The following SRD5A2 variants were observed in gnomAD, a reference collection of about 807,000 sequenced individuals.
SRD5A2 encodes the protein steroid 5 alpha-reductase 2.
In SRD5A2, 30 loss-of-function variants were observed where a neutral mutation model predicts 27.4. That is an observed-to-expected ratio of 1.10 (90% confidence interval 0.82 to 1.49). The LOEUF (loss-of-function observed/expected upper bound fraction) is 1.49, where lower values mean the gene tolerates loss of function less well. Ranked by LOEUF, SRD5A2 falls within the 40% of genes most tolerant of loss-of-function variation. SRD5A2 has a pLI of 0.00. For missense variants in SRD5A2, 348 were observed against 323.4 expected (o/e 1.08, Z -0.58); for synonymous variants, 141 against 133.6 (o/e 1.06, Z -0.38).
Position 31,550,333 on chromosome 2 carries a change from T to A in SRD5A2, c.282-16567A>T, listed in dbSNP as rs550495784. Among the ~76,000 whole-genome samples, 13 of 151,928 alleles carry A rather than the reference T, an allele frequency of 8.6e-5. No homozygotes were observed. In the South Asian group the frequency reaches 2.7e-3, roughly 31 times the overall value. ...TTAAGTAATTAATACCAATTCTATG[T>A]GATTTCTTCCAAAAAATAGAAGAGC... On this transcript the variant is annotated intron_variant, in intron 1 of 4. Coordinates refer to ENST00000622030, the MANE Select transcript of SRD5A2 (RefSeq NM_000348.4).
the SRD5A2 span, among the ~76,000 whole-genome samples, chr2:31,588,535 T>C: frequency 6.6e-6 from 1 of 152,090 alleles, no homozygotes; most frequent in Non-Finnish European, 1.5e-5. Flanking sequence ...GAAAATATTA[T>C]GCAAACATGG....
chr2:31,641,522 T>A, the SRD5A2 span, among the ~76,000 whole-genome samples: 2 of 152,182 alleles, frequency 1.3e-5, no homozygotes, highest in East Asian at 3.8e-4. Flanking sequence ...ATACAAGACA[T>A]AAACTTGTGA....
intron 1 of SRD5A2, among the ~76,000 whole-genome samples, chr2:31,571,468 C>T (rs1666847900): frequency 6.6e-6 from 1 of 151,894 alleles, no homozygotes; most frequent in South Asian, 2.1e-4. Context: ...TGGCAAAGAC[C>T]TCATGACAAA....
rs28383090 is a variant in SRD5A2 at position 31,524,459 on chromosome 2, G to A, written c.*1737C>T. 26 of 195,866 alleles carry A rather than the reference G, an allele frequency of 1.3e-4. No individual in the cohort carries two copies. The highest frequency in any genetic ancestry group is 6.0e-4 in the African/African-American group (26 of 43,226). 12.1% of individuals were successfully genotyped at this position (195,866 alleles called of 1,614,324 possible). On this transcript the variant is annotated 3_prime_UTR_variant, in exon 5 of 5. Coordinates refer to ENST00000622030, the MANE Select transcript of SRD5A2 (RefSeq NM_000348.4). ...TTCATGAAGAGAGAAGAGAAGAAAGGAAACGACACTACAGACAGGGTGAAT... is the reference window on the plus strand; with the variant it reads ...TTCATGAAGAGAGAAGAGAAGAAAGAAAACGACACTACAGACAGGGTGAAT...
chr2:31,656,033 C>T, the SRD5A2 span, among the ~76,000 whole-genome samples: 2 of 152,132 alleles, frequency 1.3e-5, no homozygotes, highest in South Asian at 2.1e-4. Flanking sequence ...ACTGGTAAGT[C>T]GGGGAAGTTA....
the SRD5A2 span, chr2:31,651,741 A>G: frequency 6.5e-6 from 1 of 153,210 alleles, no homozygotes; most frequent in Non-Finnish European, 1.5e-5. Flanking sequence ...GGAGCTTGTC[A>G]TCTCCAGGAT....
At chr2:31,558,968 T>C (rs949234056) in intron 1 of SRD5A2, among the ~76,000 whole-genome samples, 1 of 152,202 alleles carries the variant, frequency 6.6e-6, no homozygotes, top group Non-Finnish European at 1.5e-5. Flanking sequence ...AATAAGGTCA[T>C]AGTCTAAGGT....
At chr2:31,610,955 A>C in the SRD5A2 span, among the ~76,000 whole-genome samples, 1 of 152,030 alleles carries the variant, frequency 6.6e-6, no homozygotes, top group Non-Finnish European at 1.5e-5. Context: ...TAAATAATAC[A>C]AAAATTAGCC....
At chr2:31,579,578 C>A (rs928260215) in intron 1 of SRD5A2, among the ~76,000 whole-genome samples, 1 of 152,220 alleles carries the variant, frequency 6.6e-6, no homozygotes, top group Non-Finnish European at 1.5e-5. Flanking sequence ...CTCAGATTTG[C>A]ATCTTAGCGG....
chr2:31,584,095 G>C (rs897261644), upstream of SRD5A2, among the ~76,000 whole-genome samples: 2 of 152,176 alleles, frequency 1.3e-5, no homozygotes, highest in Non-Finnish European at 2.9e-5. Flanking sequence ...CCAGGGTGTA[G>C]AGTCCTGATA....
chr2:31,655,445 C>A, the SRD5A2 span, among the ~76,000 whole-genome samples: 1 of 152,216 alleles, frequency 6.6e-6, no homozygotes, highest in South Asian at 2.1e-4. Flanking sequence ...AAGTATCTCA[C>A]TGACTTCCAG....
rs1054566293 is a variant in SRD5A2 at position 31,541,064 on chromosome 2, T to A, written c.282-7298A>T. On this transcript the variant is annotated intron_variant, in intron 1 of 4. Transcript: ENST00000622030. ...CTTTTTCATTTTTCTCTTTTTCTCC[T>A]TTTGGGAGCCAGATATTAAAGATAA... is the stretch of plus-strand genomic sequence containing the variant. Among the ~76,000 whole-genome samples, 3 of 152,158 alleles carry A rather than the reference T, an allele frequency of 2.0e-5. No individual in the cohort carries two copies. In the East Asian group the frequency reaches 5.8e-4, roughly 29 times the overall value.
intron 1 of SRD5A2, among the ~76,000 whole-genome samples, chr2:31,558,244 A>AT (rs1163780976): frequency 2.6e-5 from 4 of 152,186 alleles, no homozygotes; most frequent in African/African-American, 7.2e-5. Context: ...AATTCTAGTA[A>AT]CAGGAGACCT....
rs116788355 is a variant in SRD5A2, at chr2:31,543,481, A to G, written c.282-9715T>C. ...ACTAATACTTTTTAAAAAAACAATT[A>G]TTAGTCTAAAAGTTAATATCACTGA... On this transcript the variant is annotated intron_variant, in intron 1 of 4. Transcript: ENST00000622030. Among the ~76,000 whole-genome samples, 1,068 of 152,328 alleles carry G rather than the reference A, an allele frequency of 7.0e-3. 16 individuals are homozygous for G. Among genetic ancestry groups the G allele is most frequent in the African/African-American group, 0.024 (1,005 of 41,580 alleles).
intron 1 of SRD5A2, among the ~76,000 whole-genome samples, chr2:31,553,010 A>G (rs907757290): frequency 6.6e-6 from 1 of 152,220 alleles, no homozygotes; most frequent in African/African-American, 2.4e-5. Flanking sequence ...GAGAGGAAAC[A>G]TATGAACAAC....
At chr2:31,549,216 G>A (rs1361325791) in intron 1 of SRD5A2, among the ~76,000 whole-genome samples, 3 of 151,390 alleles carry the variant, frequency 2.0e-5, no homozygotes, top group African/African-American at 7.3e-5. Flanking sequence ...AGGTCCAAGC[G>A]ATTCTGCTGC....
intron 1 of SRD5A2, among the ~76,000 whole-genome samples, chr2:31,568,453 C>A (rs536465228): frequency 1.3e-5 from 2 of 152,296 alleles, no homozygotes; most frequent in East Asian, 3.9e-4. Context: ...CAGTTCCTTC[C>A]CACAGCTGGT....
In SRD5A2 at chr2:31,531,464, AG is replaced by A; in HGVS notation, c.453del (p.Leu152TyrfsTer8). 1.3e-6 allele frequency: 2 copies of A among 1,590,814 alleles called. No homozygotes were observed. The highest frequency in any genetic ancestry group is 1.7e-6 in the Non-Finnish European group (2 of 1,167,736). On this transcript the variant is annotated frameshift_variant, in exon 3 of 5. Coordinates refer to ENST00000622030, the MANE Select transcript of SRD5A2 (RefSeq NM_000348.4). LOFTEE classifies it high-confidence loss of function. Reference protein sequence around the residue: ...YTDIRFSLGVFLFILGMGINI... With the variant: ...YTDIRFSLGVXLFILGMGINI... The stretch of plus-strand genomic sequence containing the variant: ...TTTATTCCCATTCCCAAAATAAATA[AG>A]AAGACACCTTGACAAAGAAGAGAGA...
chr2:31,526,265 A>G lies in SRD5A2; in HGVS notation c.699-3T>C, dbSNP rs764270833. ...CCTCAAACATCTTGAGGTAGAACCT[A>G]AAAGACAAGAAAGGAATAATTGTAA... On this transcript the variant is annotated splice_polypyrimidine_tract_variant and splice_region_variant and intron_variant, in intron 4 of 4. Transcript: ENST00000622030. 5.1e-6 allele frequency: 8 copies of G among 1,560,920 alleles called. No homozygotes were observed. The East Asian group carries it at 1.8e-4, about 36-fold the overall frequency.
Sources: allele counts gnomAD v4.1 joint callset (sites outside exome capture counted in the v4.1 genomes callset), GRCh38; gene constraint gnomAD v4.1.1; transcripts MANE v1.5; gene names NCBI Gene and HGNC (gene_info 2026-07-23, HGNC 2026-07-21).